PARD3B: variants seen among roughly 807,000 people sequenced by gnomAD.
PARD3B encodes par-3 family cell polarity regulator beta.
In PARD3B, 103 loss-of-function variants were observed where a neutral mutation model predicts 130.2. The observed-to-expected ratio is 0.79, with a 90% confidence interval of 0.67 to 0.93. The LOEUF is 0.93. PARD3B is among the 40% of genes least tolerant of loss of function. The pLI is 0.00. For synonymous variants in PARD3B, 583 were observed against 553.2 expected, an observed-to-expected ratio of 1.05 and a Z score of -0.76; for missense variants, 1,609 against 1,499.2, an observed-to-expected ratio of 1.07 and a Z score of -1.21.
chr2:204,604,978 G>A (rs1403364030), intron 1 of PARD3B, among the ~76,000 whole-genome samples: 1 of 152,076 alleles, frequency 6.6e-6, no homozygotes, highest in Non-Finnish European at 1.5e-5. Context: ...ATGACTGGAA[G>A]GCTGGGCCCA....
chr2:205,224,869 C>G (rs2125880870), intron 15 of PARD3B, among the ~76,000 whole-genome samples: 1 of 152,196 alleles, frequency 6.6e-6, no homozygotes, highest in East Asian at 1.9e-4. Flanking sequence ...TGGAACTGGC[C>G]ATTCAAGCCA....
chr2:204,787,010 C>T (rs1288646966), intron 2 of PARD3B, among the ~76,000 whole-genome samples: 1 of 152,066 alleles, frequency 6.6e-6, no homozygotes, highest in African/African-American at 2.4e-5. Flanking sequence ...TCTAGATCAA[C>T]AACACGTACT....
At chr2:204,919,648 A>G (rs756711398) in intron 2 of PARD3B, among the ~76,000 whole-genome samples, 1 of 152,148 alleles carries the variant, frequency 6.6e-6, no homozygotes, top group Non-Finnish European at 1.5e-5. Context: ...CCTCCTGATA[A>G]TGGACATCTG....
chr2:205,325,259 C>G lies in PARD3B; in HGVS notation c.2630+23558C>G, dbSNP rs1387775088. ...TCTGAGGTGTTATACAATGTTCAAC[C>G]TTTATACTTTTATGCTGCCATAGAT... On this transcript the variant is annotated intron_variant, in intron 18 of 22. Transcript: ENST00000406610. The surrounding 1 kb of genome is among the most constrained non-coding windows in gnomAD (Gnocchi z 4.1). Among the ~76,000 whole-genome samples, 1 of 151,980 alleles carries G rather than the reference C, an allele frequency of 6.6e-6. No homozygotes were observed. The highest frequency in any genetic ancestry group is 1.5e-5 in the Non-Finnish European group (1 of 68,024).
chr2:205,424,540 C>T (rs958936620), intron 19 of PARD3B, among the ~76,000 whole-genome samples: 8 of 152,040 alleles, frequency 5.3e-5, no homozygotes, highest in African/African-American at 1.5e-4. Context: ...TTATGTGAGT[C>T]GGCTTTGAGA....
Position 204,606,632 on chromosome 2 carries a change from A to G in PARD3B, c.120+60513A>G, listed in dbSNP as rs10198136. On this transcript the variant is annotated intron_variant, in intron 1 of 22. Transcript: ENST00000406610. The surrounding 1 kb of genome is among the most constrained non-coding windows in gnomAD (Gnocchi z 4.0). ...TTATGTGCTCAGAATAGGAGAATCA[A>G]CCATTTATGAAGAAGCTCCAGTGGC... is the stretch of plus-strand genomic sequence containing the variant. 0.65 allele frequency among the ~76,000 whole-genome samples: 98,687 copies of G among 152,014 alleles called. 34,563 individuals carry two copies. Among genetic ancestry groups the G allele is most frequent in the Non-Finnish European group, 0.78 (53,002 of 67,976 alleles).
intron 4 of PARD3B, among the ~76,000 whole-genome samples, chr2:205,077,411 C>T (rs1701134230): frequency 6.6e-6 from 1 of 152,104 alleles, no homozygotes; most frequent in Non-Finnish European, 1.5e-5. Flanking sequence ...TTTTTAAGAA[C>T]TTGGGTCTAG....
intron 2 of PARD3B, among the ~76,000 whole-genome samples, chr2:204,721,510 G>A (rs973585344): frequency 6.6e-6 from 1 of 152,150 alleles, no homozygotes; most frequent in African/African-American, 2.4e-5. Context: ...TTATGAAAAT[G>A]TGAGCCCAAT....
At chr2:205,261,424 A>C (rs1264574239) in intron 16 of PARD3B, among the ~76,000 whole-genome samples, 1 of 152,190 alleles carries the variant, frequency 6.6e-6, no homozygotes, top group African/African-American at 2.4e-5. Context: ...TTCTTTATAA[A>C]GGACTGAAGT....
chr2:204,883,329 T>C (rs2046123046), intron 2 of PARD3B, among the ~76,000 whole-genome samples: 1 of 148,842 alleles, frequency 6.7e-6, no homozygotes. Context: ...GTTTCATTTT[T>C]GATCAGTTAT....
rs1262322116 is a variant in PARD3B at position 205,397,811 on chromosome 2, ATC to A, written c.2631-3199_2631-3198del. 2.0e-5 allele frequency among the ~76,000 whole-genome samples: 3 copies of A among 152,200 alleles called. No homozygotes were observed. The highest frequency in any genetic ancestry group is 7.2e-5 in the African/African-American group (3 of 41,454). ...ATGACATTTTAAGCAAAAGTTATGT[ATC>A]TCAAGTGATGTACTGAGCTATTAAC... On this transcript the variant is annotated intron_variant, in intron 18 of 22. Coordinates refer to ENST00000406610, the MANE Select transcript of PARD3B (RefSeq NM_001302769.2). This position sits in a 1 kb window ranked among gnomAD's most constrained non-coding sequence, Gnocchi z 4.8.
chr2:204,809,772 T>C (rs1322608297), intron 2 of PARD3B, among the ~76,000 whole-genome samples: 1 of 152,208 alleles, frequency 6.6e-6, no homozygotes, highest in African/African-American at 2.4e-5. Context: ...TTTCTAGTTC[T>C]GTGAAGAATG....
At chr2:205,135,695 A>G (rs561295183) in intron 10 of PARD3B, among the ~76,000 whole-genome samples, 5 of 151,822 alleles carry the variant, frequency 3.3e-5, no homozygotes, top group Admixed American at 1.3e-4. Context: ...ACTTTTAAAT[A>G]TGTTCTCATT....
chr2:205,232,151 T>TA (rs2038868209), intron 15 of PARD3B, among the ~76,000 whole-genome samples: 1 of 152,186 alleles, frequency 6.6e-6, no homozygotes. Flanking sequence ...AATGACATTT[T>TA]AAAAAATTAC....
At chr2:204,822,418 G>T (rs1026771672) in intron 2 of PARD3B, among the ~76,000 whole-genome samples, 5 of 152,152 alleles carry the variant, frequency 3.3e-5, no homozygotes, top group African/African-American at 1.2e-4. Context: ...GACAACGCAG[G>T]ATTTAGAATA....
rs141406788 is a variant in PARD3B, at chr2:204,560,190, G to A, written c.120+14071G>A. On this transcript the variant is annotated intron_variant, in intron 1 of 22. Transcript: ENST00000406610. ...TACCCTAGAACTTAAAAGTATAATAGTAAAATGTGCCATGTAATCAGTGAG... is the reference window on the plus strand; with the variant it reads ...TACCCTAGAACTTAAAAGTATAATAATAAAATGTGCCATGTAATCAGTGAG... Among the ~76,000 whole-genome samples the A allele has an allele frequency of 7.4e-4, 113 of 152,236 alleles. 1 individual carries two copies. Among genetic ancestry groups the A allele is most frequent in the East Asian group, 2.9e-3 (15 of 5,180 alleles).
At chr2:205,164,396 A>T (rs1456917325) in intron 11 of PARD3B, among the ~76,000 whole-genome samples, 1 of 152,202 alleles carries the variant, frequency 6.6e-6, no homozygotes, top group African/African-American at 2.4e-5. Context: ...TCCAGACTGT[A>T]ATGCAGTATA....
chr2:204,897,928 CA>C (rs981503152), intron 2 of PARD3B, among the ~76,000 whole-genome samples: 13 of 148,600 alleles, frequency 8.7e-5, no homozygotes, highest in African/African-American at 3.2e-4. Context: ...AGTCAACAAA[CA>C]GAAGGTTTCT....
rs529439760 is a variant in PARD3B at position 204,973,377 on chromosome 2, A to G, written c.394+8054A>G. ...CTCACAAATTTCTAATCATTCCTAA[A>G]TAAATTATTTATAGTAACCATGCTG... is the stretch of plus-strand genomic sequence containing the variant. On this transcript the variant is annotated intron_variant, in intron 3 of 22. Coordinates refer to ENST00000406610, the MANE Select transcript of PARD3B (RefSeq NM_001302769.2). Among the ~76,000 whole-genome samples, 6 of 152,340 alleles carry G rather than the reference A, an allele frequency of 3.9e-5. No individual in the cohort carries two copies. In the South Asian group the frequency reaches 6.2e-4, roughly 16 times the overall value.
Sources: gnomAD v4.1 joint callset for allele counts (sites outside exome capture counted in the v4.1 genomes callset) on GRCh38, gnomAD v4.1.1 for gene constraint, Gnocchi (gnomAD v3.1) non-coding constraint, MANE v1.5 for transcripts, NCBI Gene and HGNC (gene_info 2026-07-23, HGNC 2026-07-21) for gene names.